The following BBS9 variants were observed in gnomAD, a reference collection of about 807,000 sequenced individuals.
The protein encoded by BBS9 is protein PTHB1.
A neutral mutation model predicts 117.7 loss-of-function variants in BBS9; 89 were observed. That is an observed-to-expected ratio of 0.76 (90% CI 0.64 to 0.90). BBS9 has a LOEUF of 0.90. Among genes scored for constraint, BBS9 ranks in the 40% least tolerant of loss-of-function variants. The pLI, the probability that BBS9 is intolerant of heterozygous loss-of-function variation, is 0.00. For missense variants in BBS9, 982 were observed against 1,042.2 expected (o/e 0.94, Z 0.80); for synonymous variants, 379 against 370.9 (o/e 1.02, Z -0.25).
In BBS9 at chr7:33,619,835, T is replaced by C. The variant is rs551685361; in HGVS notation, c.2522-15342T>C. On this transcript the variant is annotated intron_variant, in intron 21 of 21. Coordinates refer to the BBS9 transcript ENST00000671952. ...AGAAGCACAACACAGACAAAACTTA[T>C]GGGATATAGCAAAAGCAGTTCTAAG... Among the ~76,000 whole-genome samples the C allele has an allele frequency of 4.6e-5, 7 of 152,156 alleles. No individual in the cohort carries two copies. In the East Asian group the frequency reaches 1.4e-3, roughly 29 times the overall value.
chr7:33,194,891 TGTG>T (rs1403464650), intron 5 of BBS9, among the ~76,000 whole-genome samples: 2 of 152,188 alleles, frequency 1.3e-5, no homozygotes, highest in East Asian at 3.8e-4. Context: ...TTCTATATGT[TGTG>T]GTATTGCATT....
intron 21 of BBS9, among the ~76,000 whole-genome samples, chr7:33,633,165 A>T (rs1316381516): frequency 2.6e-5 from 4 of 152,164 alleles, no homozygotes; most frequent in Admixed American, 2.0e-4. Flanking sequence ...CTCACACAAC[A>T]TTCCTTTCTT....
chr7:33,380,797 G>A (rs921341646), intron 17 of BBS9: 1 of 152,826 alleles, frequency 6.5e-6, no homozygotes, highest in Non-Finnish European at 1.5e-5. Context: ...AAGGCCTGGT[G>A]CGACAGGATT....
At chr7:33,244,081 T>C (rs577211899) in intron 5 of BBS9, among the ~76,000 whole-genome samples, 122 of 152,090 alleles carry the variant, frequency 8.0e-4, no homozygotes, top group Admixed American at 3.4e-3. Flanking sequence ...AATACAAAAA[T>C]TAGCCAGAAG....
rs116230802 is a variant in BBS9 at position 33,360,689 on chromosome 7, T to G, written c.1693+2694T>G. Among the ~76,000 whole-genome samples, 754 of 151,016 alleles carry G rather than the reference T, an allele frequency of 5.0e-3. 9 individuals carry two copies. The highest frequency in any genetic ancestry group is 0.017 in the African/African-American group (711 of 41,076). On this transcript the variant is annotated intron_variant, in intron 16 of 22. Coordinates refer to ENST00000242067, the MANE Select transcript of BBS9 (RefSeq NM_198428.3). ...GCATATACCACCATGCCTAGCTAAT[T>G]AAAAAAAAATTATTTTGTAGAGATA...
At chr7:33,189,257 G>A (rs182778738) in intron 5 of BBS9, among the ~76,000 whole-genome samples, 220 of 152,000 alleles carry the variant, frequency 1.4e-3, no homozygotes, top group Middle Eastern at 3.4e-3. Context: ...GGGCTCAAGC[G>A]ATCTGCCTGC....
intron 9 of BBS9, among the ~76,000 whole-genome samples, chr7:33,291,170 A>G (rs1336314684): frequency 6.6e-6 from 1 of 152,186 alleles, no homozygotes; most frequent in East Asian, 1.9e-4. Context: ...GTTTACTAGC[A>G]TAGAATTTAG....
chr7:33,573,413 A>T (rs1858175910), intron 21 of BBS9, among the ~76,000 whole-genome samples: 1 of 152,072 alleles, frequency 6.6e-6, no homozygotes, highest in South Asian at 2.1e-4. Flanking sequence ...CTCATGAAAT[A>T]TACTCTTTTG....
intron 7 of BBS9, among the ~76,000 whole-genome samples, chr7:33,271,956 G>T (rs1490483335): frequency 6.6e-6 from 1 of 152,028 alleles, no homozygotes; most frequent in Non-Finnish European, 1.5e-5. Context: ...TACACAATCG[G>T]ATATAAACCA....
rs1476297051 is a variant in BBS9, at chr7:33,622,106, A to G, written c.2522-13071A>G. On this transcript the variant is annotated intron_variant, in intron 21 of 21. Coordinates refer to the BBS9 transcript ENST00000671952. ...GCACCTGTAATTGCAGCTACTCCAG[A>G]GGCTGAGGTAGGAGAATCGCTTGAG... is the stretch of plus-strand genomic sequence containing the variant. Among the ~76,000 whole-genome samples the G allele has an allele frequency of 2.0e-5, 3 of 152,152 alleles. No individual in the cohort carries two copies. In the East Asian group the frequency reaches 5.8e-4, roughly 29 times the overall value.
intron 21 of BBS9, among the ~76,000 whole-genome samples, chr7:33,563,177 A>G (rs1163480748): frequency 6.6e-6 from 1 of 152,178 alleles, no homozygotes; most frequent in African/African-American, 2.4e-5. Context: ...TGTCAAAAGG[A>G]TAAGTTCAGA....
At chr7:33,243,782 G>A (rs1274486426) in intron 5 of BBS9, among the ~76,000 whole-genome samples, 1 of 152,080 alleles carries the variant, frequency 6.6e-6, no homozygotes, top group Admixed American at 6.5e-5. Context: ...GATAATGGAC[G>A]AAAAAGAGCT....
At chr7:33,137,636 A>C (rs1355867373) in intron 1 of BBS9, among the ~76,000 whole-genome samples, 1 of 152,178 alleles carries the variant, frequency 6.6e-6, no homozygotes, top group African/African-American at 2.4e-5. Flanking sequence ...ATTTCTTGGG[A>C]GTGGGCAGTG....
rs1554539682 is a variant in BBS9, at chr7:33,565,809, A to ATATATG, written c.2521+31638_2521+31639insGTATAT. Among the ~76,000 whole-genome samples the ATATATG allele has an allele frequency of 7.9e-3, 391 of 49,478 alleles. 21 individuals carry two copies. The highest frequency in any genetic ancestry group is 0.059 in the Admixed American group (330 of 5,558). 32.5% of individuals were successfully genotyped at this position (49,478 alleles called of 152,430 possible). A position where few individuals can be genotyped will look rare whatever the true frequency, so the allele number is the denominator to read the frequency against. The stretch of plus-strand genomic sequence containing the variant: ...TATATATATATATATATATATATAT[A>ATATATG]TATATATATATATATATACCGCTAT... On this transcript the variant is annotated intron_variant, in intron 21 of 22. Coordinates refer to ENST00000242067, the MANE Select transcript of BBS9 (RefSeq NM_198428.3).
At position 33,533,998 on chromosome 7, in the gene BBS9, G is replaced by A; in HGVS notation, c.2343G>A (p.Lys781=). 6.2e-7 allele frequency: 1 copy of A among 1,614,232 alleles called. No individual in the cohort carries two copies. Among genetic ancestry groups the A allele is most frequent in the Non-Finnish European group, 8.5e-7 (1 of 1,180,038 alleles). Residue 781 remains lysine (K), a synonymous_variant, in exon 21 of 23, where the codon AAG becomes AAA. Transcript: ENST00000242067. ...TVDAAISHLL[K]TCLSKSSKEQ... is the part of the protein sequence containing the mutation. ...ATGCCGCCATTTCCCACCTGTTGAA[G>A]ACTTGCCTGTCGAAGAGTTCTAAGG...
At chr7:33,216,696 C>T (rs1444750395) in intron 5 of BBS9, among the ~76,000 whole-genome samples, 3 of 152,134 alleles carry the variant, frequency 2.0e-5, no homozygotes, top group African/African-American at 7.2e-5. Flanking sequence ...GCTGTAAATA[C>T]TTGTGTTTTC....
chr7:33,225,181 A>G (rs1790999230), intron 5 of BBS9, among the ~76,000 whole-genome samples: 1 of 151,942 alleles, frequency 6.6e-6, no homozygotes, highest in South Asian at 2.1e-4. Flanking sequence ...CAATTTATTG[A>G]TATTATTGTT....
chr7:33,565,831 CTATATATACTGCTTATATATATATATA>C (rs1856829532), intron 21 of BBS9, among the ~76,000 whole-genome samples: 1 of 28,452 alleles, frequency 3.5e-5, no homozygotes, highest in Non-Finnish European at 5.5e-5. Flanking sequence ...ATATATACCG[CTATATATACTGCTTATATATATATATA>C]TATATATATA....
intron 5 of BBS9, among the ~76,000 whole-genome samples, chr7:33,237,800 T>C (rs1793777998): frequency 6.6e-6 from 1 of 152,214 alleles, no homozygotes; most frequent in Non-Finnish European, 1.5e-5. Flanking sequence ...GCTCTAGGTA[T>C]GCTTCTCAGT....
Sources: gnomAD v4.1 joint callset for allele counts (sites outside exome capture counted in the v4.1 genomes callset) on GRCh38, gnomAD v4.1.1 for gene constraint, MANE v1.5 for transcripts, NCBI Gene and HGNC (gene_info 2026-07-23, HGNC 2026-07-21) for gene names.